The following YTHDC1 variants were observed in gnomAD, a reference collection of about 807,000 sequenced individuals.
YTHDC1 encodes the protein YTH domain-containing protein 1.
A neutral mutation model predicts 107.0 loss-of-function variants in YTHDC1; 12 were observed. The observed-to-expected ratio is 0.11, with a 90% CI of 0.07 to 0.18. The LOEUF (loss-of-function observed/expected upper bound fraction) is 0.18, where lower values mean the gene tolerates loss of function less well. Ranked by LOEUF, YTHDC1 falls within the 10% of genes least tolerant of loss-of-function variation. The pLI, the probability that YTHDC1 is intolerant of heterozygous loss-of-function variation, is 1.00. For synonymous variants in YTHDC1, 280 were observed against 289.5 expected (o/e 0.97, Z 0.33); for missense variants, 635 against 898.8 (o/e 0.71, Z 3.75).
chr4:68,316,484 C>G, intron 15 of YTHDC1, 36 bp from the exon 16 acceptor site: 2 of 1,597,650 alleles, frequency 1.3e-6, no homozygotes, highest in Non-Finnish European at 1.7e-6. Flanking sequence ...AAGAATCTAC[C>G]AACACCCTTG....
chr4:68,324,085 T>C, intron 10 of YTHDC1, 54 bp downstream of exon 10: 1 of 1,493,376 alleles, frequency 6.7e-7, no homozygotes, highest in Non-Finnish European at 9.2e-7. Context: ...AATAAAGATC[T>C]CTAAAAGGGT....
rs914756394 is a variant in YTHDC1 at position 68,322,987 on chromosome 4, C to A, written c.1435-72G>T. The A allele has an allele frequency of 1.1e-5, 16 of 1,494,394 alleles. No homozygotes were observed. The highest frequency in any genetic ancestry group is 1.4e-5 in the African/African-American group (1 of 71,946). 92.6% of individuals were successfully genotyped at this position (1,494,394 alleles called of 1,614,324 possible). On this transcript the variant is annotated intron_variant, in intron 10 of 16. Coordinates refer to ENST00000344157, the MANE Select transcript of YTHDC1 (RefSeq NM_001031732.4). This position sits in a 1 kb window ranked among gnomAD's most constrained non-coding sequence, Gnocchi z 4.8. ...AACAGACTTGCATTTTCCTGATGTACCAGAACAAAAACTGACTTGGAAGCT... is the reference window on the plus strand; with the variant it reads ...AACAGACTTGCATTTTCCTGATGTAACAGAACAAAAACTGACTTGGAAGCT...
At chr4:68,334,075 T>C (rs1401500846) in intron 4 of YTHDC1, among the ~76,000 whole-genome samples, 1 of 152,142 alleles carries the variant, frequency 6.6e-6, no homozygotes, top group Non-Finnish European at 1.5e-5. Flanking sequence ...TAGAAAAGGT[T>C]TGGATTACCT....
chr4:68,327,314 A>G (rs2109703884), intron 9 of YTHDC1, among the ~76,000 whole-genome samples: 1 of 152,320 alleles, frequency 6.6e-6, no homozygotes, highest in African/African-American at 2.4e-5. Context: ...TGAAAGGAAT[A>G]TAACACCTAG....
In YTHDC1 at chr4:68,337,143, T is replaced by C; in HGVS notation, c.767A>G (p.Asp256Gly). 1.2e-6 allele frequency: 2 copies of C among 1,613,964 alleles called. No individual in the cohort carries two copies. The highest frequency in any genetic ancestry group is 1.7e-6 in the Non-Finnish European group (2 of 1,179,964). ...EEEEYEQDER[D>G]QKEEGNDYDT... Reference sequence around the variant, plus strand: ...ATAATCATTTCCCTCCTCTTTCTGGTCTCTCTCATCCTGTTCATATTCTTC... The same window carrying C: ...ATAATCATTTCCCTCCTCTTTCTGGCCTCTCTCATCCTGTTCATATTCTTC... The change falls in exon 4 of 17, where the codon GAC becomes GGC. Residue 256 changes from aspartate (D) to glycine (G), a missense_variant. By Grantham distance (94) the Asp-to-Gly change is moderately conservative. Around this residue, in one of 5 missense-constraint regions of YTHDC1, gnomAD observed 294 missense variants for 312.3 expected, o/e 0.94. Coordinates refer to ENST00000344157, the MANE Select transcript of YTHDC1 (RefSeq NM_001031732.4).
intron 1 of YTHDC1, 149 bp downstream of exon 1, chr4:68,349,577 C>G: frequency 7.7e-7 from 1 of 1,290,358 alleles, no homozygotes; most frequent in South Asian, 1.3e-5. Context: ...CCGCCAGAGT[C>G]TAAGTGTCTC....
In YTHDC1 at chr4:68,312,267, G is replaced by A; in HGVS notation, c.*1832C>T. ...AGCCTCTCTGAGCCCATTTAAATGA[G>A]TCTGTATATAAAAGCACAAAGTCTC... On this transcript the variant is annotated 3_prime_UTR_variant, in exon 17 of 17. Coordinates refer to ENST00000344157, the MANE Select transcript of YTHDC1 (RefSeq NM_001031732.4). The A allele has an allele frequency of 6.6e-6, 1 of 152,258 alleles. No individual in the cohort carries two copies. The highest frequency in any genetic ancestry group is 1.9e-4 in the East Asian group (1 of 5,188). The allele number at this position is 152,258 out of a possible 1,614,324, so 9.4% of individuals were successfully genotyped here. A position where few individuals can be genotyped will look rare whatever the true frequency, so the allele number is the denominator to read the frequency against.
intron 1 of YTHDC1, among the ~76,000 whole-genome samples, chr4:68,346,312 G>GC (rs1725437157): frequency 6.6e-6 from 1 of 152,046 alleles, no homozygotes. Flanking sequence ...CTACTAGGGA[G>GC]CCCTTGGGAG....
At chr4:68,333,609 C>A (rs547538747) in intron 4 of YTHDC1, among the ~76,000 whole-genome samples, 1 of 152,018 alleles carries the variant, frequency 6.6e-6, no homozygotes, top group Non-Finnish European at 1.5e-5. Flanking sequence ...CAGTTTCAAT[C>A]AAATAAAAAC....
At chr4:68,321,246 AAC>A (rs1261936031) in intron 11 of YTHDC1, among the ~76,000 whole-genome samples, 27 of 152,314 alleles carry the variant, frequency 1.8e-4, no homozygotes, top group African/African-American at 6.5e-4. Context: ...TAACTTTTTC[AAC>A]ACAGTTCACT....
At chr4:68,330,331 C>A (rs769233886) in intron 7 of YTHDC1, 21 bp from the exon 8 acceptor site, 4 of 1,442,856 alleles carry the variant, frequency 2.8e-6, no homozygotes, top group Non-Finnish European at 2.8e-6. Flanking sequence ...AACATAAAGA[C>A]CACAAAGTGA....
In YTHDC1 at chr4:68,337,708, C is replaced by T. The variant is rs147602142; in HGVS notation, c.323G>A (p.Arg108His). Residue 108 changes from arginine to histidine, a missense_variant, in exon 3 of 17, where the codon CGT becomes CAT. Coordinates refer to ENST00000344157, the MANE Select transcript of YTHDC1 (RefSeq NM_001031732.4). ...EEYQRSERNK[R>H]LDADRKIRLS... ...ACGAATTTTCCGATCAGCATCTAGA[C>T]GCTTGTTTCTTTCAGATCTTTGATA... 85 of 1,613,930 alleles carry T rather than the reference C, an allele frequency of 5.3e-5. No individual in the cohort carries two copies. Among genetic ancestry groups the T allele is most frequent in the Middle Eastern group, 1.6e-4 (1 of 6,084 alleles).
rs1460209562 is a variant in YTHDC1 at position 68,311,655 on chromosome 4, G to C, written c.*2444C>G. 1 of 152,150 alleles carries C rather than the reference G, an allele frequency of 6.6e-6. No homozygotes were observed. Among genetic ancestry groups the C allele is most frequent in the African/African-American group, 2.4e-5 (1 of 41,432 alleles). 9.4% of individuals were successfully genotyped at this position (152,150 alleles called of 1,614,324 possible). A position where few individuals can be genotyped will look rare whatever the true frequency, so the allele number is the denominator to read the frequency against. On this transcript the variant is annotated 3_prime_UTR_variant, in exon 17 of 17. Coordinates refer to ENST00000344157, the MANE Select transcript of YTHDC1 (RefSeq NM_001031732.4). ...TCCGGTAAGTTTATTTTAAAAATTA[G>C]GAAAGGAGAAAACAGTGATGATTAT...
intron 1 of YTHDC1, among the ~76,000 whole-genome samples, chr4:68,348,496 C>G (rs938706120): frequency 6.8e-6 from 1 of 148,108 alleles, no homozygotes; most frequent in African/African-American, 2.5e-5. Flanking sequence ...AAAAAAAGGC[C>G]CAGGGAGATT....
rs747610433 is a variant in YTHDC1 at position 68,332,808 on chromosome 4, C to T, written c.1013G>A (p.Arg338His). The T allele has an allele frequency of 5.3e-5, 86 of 1,613,032 alleles. No individual in the cohort carries two copies. Among genetic ancestry groups the T allele is most frequent in the Non-Finnish European group, 7.0e-5 (82 of 1,179,550 alleles). ...TTAAATGATACCTTTTCGGACAGCA[C>T]GAACGGAAGATGATAATTTCTCATG... Reference protein sequence around the residue: ...KKHEKLSSSVRAVRKDQTSKL... With the variant: ...KKHEKLSSSVHAVRKDQTSKL... Residue 338 changes from arginine to histidine, a missense_variant, in exon 6 of 17, where the codon CGT becomes CAT. Arg to His is a conservative substitution (Grantham distance 29). Around this residue, in one of 5 missense-constraint regions of YTHDC1, gnomAD observed 60 missense variants for 172.0 expected, o/e 0.35. Coordinates refer to ENST00000344157, the MANE Select transcript of YTHDC1 (RefSeq NM_001031732.4).
chr4:68,321,684 C>T (rs1182540019), intron 11 of YTHDC1, among the ~76,000 whole-genome samples: 1 of 152,150 alleles, frequency 6.6e-6, no homozygotes, highest in Non-Finnish European at 1.5e-5. Context: ...CCTACCTACT[C>T]GACAGTGTCC....
At chr4:68,339,473 T>C (rs1391733114) in intron 1 of YTHDC1, among the ~76,000 whole-genome samples, 2 of 152,250 alleles carry the variant, frequency 1.3e-5, no homozygotes, top group African/African-American at 2.4e-5. Context: ...GTAGCAATGT[T>C]ATTTTTCTAA....
chr4:68,321,138 TA>T (rs1722406714), intron 11 of YTHDC1, among the ~76,000 whole-genome samples: 1 of 151,914 alleles, frequency 6.6e-6, no homozygotes, highest in African/African-American at 2.4e-5. Flanking sequence ...ATTTAGAAAA[TA>T]AATATATCTT....
chr4:68,331,336 A>G (rs140917916), intron 7 of YTHDC1, among the ~76,000 whole-genome samples: 1 of 152,230 alleles, frequency 6.6e-6, no homozygotes, highest in East Asian at 1.9e-4. Flanking sequence ...AGAACAGAAT[A>G]AGGCTATTTG....
Sources: allele counts gnomAD v4.1 joint callset (sites outside exome capture counted in the v4.1 genomes callset), GRCh38; gene constraint gnomAD v4.1.1; regional missense constraint gnomAD v4.1.1; non-coding constraint Gnocchi (gnomAD v3.1); transcripts MANE v1.5; gene names NCBI Gene and HGNC (gene_info 2026-07-23, HGNC 2026-07-21).